The following EYA2 variants were observed in gnomAD, a reference collection of about 807,000 sequenced individuals.
EYA2 encodes the protein protein phosphatase EYA2.
A neutral mutation model predicts 69.2 loss-of-function variants in EYA2; 31 were observed. The ratio of observed to expected loss-of-function variants is 0.45; its 90% CI spans 0.34 to 0.60. The LOEUF is 0.60. Among genes scored for constraint, EYA2 ranks in the 20% least tolerant of loss-of-function variants. The pLI is 0.02. For missense variants in EYA2, 622 were observed against 701.2 expected (o/e 0.89, Z 1.28); for synonymous variants, 257 against 279.4 (o/e 0.92, Z 0.80).
Position 47,155,789 on chromosome 20 carries a change from A to T in EYA2, c.978+12641A>T, listed in dbSNP as rs2033910645. Among the ~76,000 whole-genome samples the T allele has an allele frequency of 2.0e-5, 3 of 151,680 alleles. 1 individual carries two copies. Among genetic ancestry groups the T allele is most frequent in the Non-Finnish European group, 4.4e-5 (3 of 67,998 alleles). ...TGGAGATTTGATCCCAGGCCAAATG[A>T]CTTCTCTGCTAATGTCTATCTTTCA... On this transcript the variant is annotated intron_variant, in intron 10 of 15. Transcript: ENST00000327619.
intron 8 of EYA2, among the ~76,000 whole-genome samples, chr20:47,090,876 G>GC (rs1226974320): frequency 1.3e-5 from 2 of 152,090 alleles, no homozygotes; most frequent in African/African-American, 4.8e-5. Flanking sequence ...CAAAATGGAT[G>GC]CCCCAAAACC....
At chr20:47,089,486 C>A in intron 8 of EYA2, 105 bp downstream of exon 8, 1 of 1,339,052 alleles carries the variant, frequency 7.5e-7, no homozygotes. Context: ...GAGAATCGCC[C>A]TTCGTGTTTT....
intron 1 of EYA2, among the ~76,000 whole-genome samples, chr20:46,899,946 G>C (rs1447684923): frequency 6.6e-6 from 1 of 152,144 alleles, no homozygotes; most frequent in Admixed American, 6.5e-5. Flanking sequence ...ACTTAGACGC[G>C]CCGCAATGCC....
chr20:47,177,138 G>A (rs923297944), intron 12 of EYA2, among the ~76,000 whole-genome samples: 14 of 149,158 alleles, frequency 9.4e-5, no homozygotes, highest in Non-Finnish European at 2.1e-4. Flanking sequence ...ATTGAGACTG[G>A]GTCTCACTCT....
In EYA2 at chr20:47,013,675, G is replaced by A. The variant is rs112888596; in HGVS notation, c.299-2506G>A. ...AGCATATGGCTTGGGCAGAGGGAGC[G>A]AAGGAGCCCAGGAAAGGCAGTGAGG... is the stretch of plus-strand genomic sequence containing the variant. On this transcript the variant is annotated intron_variant, in intron 4 of 15. Coordinates refer to ENST00000327619, the MANE Select transcript of EYA2 (RefSeq NM_005244.5). Among the ~76,000 whole-genome samples, 7 of 152,288 alleles carry A rather than the reference G, an allele frequency of 4.6e-5. 1 individual carries two copies. Among genetic ancestry groups the A allele is most frequent in the African/African-American group, 1.7e-4 (7 of 41,536 alleles).
chr20:46,904,185 G>C (rs1984248262), intron 1 of EYA2, among the ~76,000 whole-genome samples: 2 of 152,138 alleles, frequency 1.3e-5, no homozygotes, highest in East Asian at 3.9e-4. Context: ...GCAGTTAACT[G>C]TTCCTGGGGT....
intron 6 of EYA2, among the ~76,000 whole-genome samples, chr20:47,073,745 G>C (rs909463585): frequency 3.3e-5 from 5 of 151,982 alleles, no homozygotes; most frequent in African/African-American, 7.3e-5. Flanking sequence ...GGAAGTGCCT[G>C]GGAATTAAAG....
intron 12 of EYA2, among the ~76,000 whole-genome samples, chr20:47,176,241 G>A (rs559860737): frequency 6.6e-4 from 100 of 151,940 alleles, no homozygotes; most frequent in African/African-American, 2.2e-3. Flanking sequence ...CACCATGCCC[G>A]GCTAATTTTT....
chr20:46,999,516 A>AC (rs952174123), intron 2 of EYA2, among the ~76,000 whole-genome samples: 98 of 152,388 alleles, frequency 6.4e-4, no homozygotes, highest in African/African-American at 2.3e-3. Context: ...ACGTGCATGC[A>AC]CACACAACAC....
intron 2 of EYA2, among the ~76,000 whole-genome samples, chr20:46,992,581 A>G (rs1487372706): frequency 6.6e-6 from 1 of 152,168 alleles, no homozygotes; most frequent in Non-Finnish European, 1.5e-5. Flanking sequence ...CTTTCTGCCA[A>G]GCTGTAAGAG....
At chr20:47,107,379 GC>G (rs982061289) in intron 9 of EYA2, among the ~76,000 whole-genome samples, 2 of 131,976 alleles carry the variant, frequency 1.5e-5, no homozygotes, top group South Asian at 2.8e-4. Context: ...ACAAAAATTA[GC>G]CAGGCGTGGT....
At position 47,074,206 on chromosome 20, in the gene EYA2, T is replaced by C. The variant is rs945421711; in HGVS notation, c.532T>C (p.Tyr178His). The change falls in exon 7 of 16, where the codon TAC (tyrosine) becomes CAC (histidine). Residue 178 changes from tyrosine (Y) to histidine (H), a missense_variant. By Grantham distance (83) the Tyr-to-His change is moderately conservative (BLOSUM62 2). Coordinates refer to ENST00000327619, the MANE Select transcript of EYA2 (RefSeq NM_005244.5). The part of the protein sequence containing the change: ...GFPQSQYPQY[Y>H]GSSYNPPYVP... The stretch of plus-strand genomic sequence containing the variant: ...CCCCCAGAGCCAGTACCCCCAGTAT[T>C]ACGGCTCATCCTACAACCCTCCCTA... 2 of 1,613,886 alleles carry C rather than the reference T, an allele frequency of 1.2e-6. No individual in the cohort carries two copies. Among genetic ancestry groups the C allele is most frequent in the African/African-American group, 2.7e-5 (2 of 74,914 alleles).
chr20:47,139,518 C>G (rs1051257671), intron 9 of EYA2, among the ~76,000 whole-genome samples: 7 of 151,904 alleles, frequency 4.6e-5, no homozygotes, highest in African/African-American at 1.7e-4. Context: ...CCACAACCTC[C>G]TCCTCCTGGG....
At chr20:46,930,287 A>G (rs934180690) in intron 1 of EYA2, among the ~76,000 whole-genome samples, 4 of 152,246 alleles carry the variant, frequency 2.6e-5, no homozygotes, top group Non-Finnish European at 5.9e-5. Context: ...AAAATAAAAG[A>G]CAGGTAATAA....
chr20:47,135,840 AAC>A (rs1387913263), intron 9 of EYA2, among the ~76,000 whole-genome samples: 7 of 74,094 alleles, frequency 9.4e-5, no homozygotes, highest in African/African-American at 1.4e-4. Context: ...AAAAAAAAAA[AAC>A]AAACAAACAA....
At chr20:47,010,125 G>A (rs1982965929) in intron 4 of EYA2, among the ~76,000 whole-genome samples, 1 of 152,164 alleles carries the variant, frequency 6.6e-6, no homozygotes, top group Admixed American at 6.5e-5. Flanking sequence ...TCTCAGGGGT[G>A]GAAACCTATG....
In EYA2 at chr20:47,138,003, G is replaced by C. The variant is rs6063076; in HGVS notation, c.889-5056G>C. 3.4e-5 allele frequency among the ~76,000 whole-genome samples: 5 copies of C among 148,432 alleles called. No individual in the cohort carries two copies. The South Asian group carries it at 1.1e-3, about 32-fold the overall frequency. ...GGGGACTGTTGTGGGGTGTGGGGAG[G>C]GGGGAGGGATAGCTTTAGGAGATAT... On this transcript the variant is annotated intron_variant, in intron 9 of 15. Transcript: ENST00000327619.
intron 7 of EYA2, among the ~76,000 whole-genome samples, chr20:47,081,305 G>C (rs997834116): frequency 6.6e-6 from 1 of 151,964 alleles, no homozygotes; most frequent in Admixed American, 6.6e-5. Flanking sequence ...CTTGCTGAGA[G>C]AGTAGATTTT....
At chr20:47,168,625 T>C (rs1460276786) in intron 10 of EYA2, among the ~76,000 whole-genome samples, 1 of 151,774 alleles carries the variant, frequency 6.6e-6, no homozygotes, top group Non-Finnish European at 1.5e-5. Context: ...CAGTAAATGA[T>C]GATCACAGAT....
Sources: gnomAD v4.1 joint callset for allele counts (sites outside exome capture counted in the v4.1 genomes callset) on GRCh38, gnomAD v4.1.1 for gene constraint, MANE v1.5 for transcripts, NCBI Gene and HGNC (gene_info 2026-07-23, HGNC 2026-07-21) for gene names.